Variants in DOCK4 observed in about 807,000 individuals in gnomAD.
The protein encoded by DOCK4 is dedicator of cytokinesis 4, also known as dedicator of cytokinesis protein 4.
DOCK4 carries 97 observed loss-of-function variants against 268.1 expected under a neutral mutation model. The observed-to-expected ratio is 0.36, with a 90% CI of 0.31 to 0.43. DOCK4 has a LOEUF of 0.43. DOCK4 is among the 20% of genes least tolerant of loss of function. DOCK4 has a pLI of 1.00. For synonymous variants in DOCK4, 954 were observed against 887.2 expected (o/e 1.08, Z -1.34); for missense variants, 2,145 against 2,455.7 (o/e 0.87, Z 2.67).
chr7:112,012,987 GA>G (rs1562991565), intron 1 of DOCK4, among the ~76,000 whole-genome samples: 2 of 151,976 alleles, frequency 1.3e-5, no homozygotes, highest in South Asian at 2.1e-4. Context: ...TGAAAGTCAC[GA>G]AAAAAAGTTA....
intron 30 of DOCK4, among the ~76,000 whole-genome samples, chr7:111,797,723 A>T (rs933113111): frequency 6.6e-6 from 1 of 152,218 alleles, no homozygotes; most frequent in Admixed American, 6.5e-5. Context: ...ATGGAAAATG[A>T]GGGCCAAACC....
chr7:111,809,171 T>C, intron 29 of DOCK4, 130 bp downstream of exon 29: 1 of 781,052 alleles, frequency 1.3e-6, no homozygotes, highest in Admixed American at 2.6e-5. Context: ...AAAAGACTGC[T>C]TCTTGACCCC....
At chr7:111,740,890 C>T (rs994666021) in intron 47 of DOCK4, among the ~76,000 whole-genome samples, 1 of 151,658 alleles carries the variant, frequency 6.6e-6, no homozygotes, top group South Asian at 2.1e-4. Flanking sequence ...TTGCTGATGT[C>T]GTCTTAAAGC....
chr7:112,122,541 G>T lies in DOCK4; in HGVS notation c.37+83561C>A, dbSNP rs140915268. On this transcript the variant is annotated intron_variant, in intron 1 of 52. Coordinates refer to ENST00000428084, the MANE Select transcript of DOCK4 (RefSeq NM_001363540.2). ...ACACCTTGGCCTCCTAAAGTCCTGG[G>T]ATTACAAGCGTTAGCCACCACGCCC... is the stretch of plus-strand genomic sequence containing the variant. Among the ~76,000 whole-genome samples, 528 of 152,204 alleles carry T rather than the reference G, an allele frequency of 3.5e-3. 1 individual carries two copies. The highest frequency in any genetic ancestry group is 5.3e-3 in the Non-Finnish European group (359 of 68,018).
At chr7:112,031,056 G>GA (rs1236958672) in intron 1 of DOCK4, among the ~76,000 whole-genome samples, 2 of 152,280 alleles carry the variant, frequency 1.3e-5, no homozygotes, top group East Asian at 3.9e-4. Flanking sequence ...AGGGCAGAGG[G>GA]AAAAACAGCA....
chr7:112,018,179 A>AAAAAAAAAAAAAC lies in DOCK4; in HGVS notation c.38-14049_38-14048insGTTTTTTTTTTTT. Among the ~76,000 whole-genome samples, 8 of 72,590 alleles carry AAAAAAAAAAAAAC rather than the reference A, an allele frequency of 1.1e-4. 2 individuals are homozygous for AAAAAAAAAAAAAC. The South Asian group carries it at 1.3e-3, about 12-fold the overall frequency. 47.6% of individuals were successfully genotyped at this position (72,590 alleles called of 152,430 possible). The stretch of plus-strand genomic sequence containing the variant: ...AAAAAAAAAAAAAAAAAAAAAAAAA[A>AAAAAAAAAAAAAC]ACACAGGCAACCAGTATTCATGTGG... On this transcript the variant is annotated intron_variant, in intron 1 of 52. Transcript: ENST00000428084.
chr7:112,006,152 A>G (rs1800844336), intron 1 of DOCK4, among the ~76,000 whole-genome samples: 1 of 152,172 alleles, frequency 6.6e-6, no homozygotes, highest in Non-Finnish European at 1.5e-5. Context: ...TTTGAACCCC[A>G]ATCTCATCAC....
chr7:111,918,147 G>A (rs1792774037), intron 12 of DOCK4, among the ~76,000 whole-genome samples: 1 of 152,190 alleles, frequency 6.6e-6, no homozygotes, highest in Admixed American at 6.5e-5. Context: ...CCTCTCCTGA[G>A]GTCCAAATCG....
intron 44 of DOCK4, among the ~76,000 whole-genome samples, chr7:111,743,013 AAAG>A (rs1190381273): frequency 1.3e-5 from 2 of 152,120 alleles, no homozygotes; most frequent in Admixed American, 6.5e-5. Flanking sequence ...AAAAAAGAAA[AAAG>A]AAAAAAATCC....
At chr7:112,021,244 G>C (rs1198233468) in intron 1 of DOCK4, among the ~76,000 whole-genome samples, 3 of 152,134 alleles carry the variant, frequency 2.0e-5, no homozygotes, top group Admixed American at 6.5e-5. Context: ...AATCTGTTTT[G>C]GTAGTTCAGA....
At chr7:111,747,564 CA>C (rs1223474964) in intron 42 of DOCK4, 121 bp from the exon 43 acceptor site, 4 of 944,042 alleles carry the variant, frequency 4.2e-6, no homozygotes, top group East Asian at 2.6e-5. Context: ...ATATCTCTAC[CA>C]GGGGCCATTC....
intron 1 of DOCK4, among the ~76,000 whole-genome samples, chr7:112,144,461 G>A (rs1815245095): frequency 6.6e-6 from 1 of 152,086 alleles, no homozygotes. Context: ...ATGGCTGAGT[G>A]AGGATCCAAA....
intron 26 of DOCK4, among the ~76,000 whole-genome samples, chr7:111,823,204 C>CTTTTTTTT (rs917904625): frequency 8.6e-6 from 1 of 116,280 alleles, no homozygotes; most frequent in African/African-American, 3.6e-5. Flanking sequence ...GGAAATATTA[C>CTTTTTTTT]TTTTTTTTTT....
intron 1 of DOCK4, among the ~76,000 whole-genome samples, chr7:112,080,423 A>G (rs576879775): frequency 6.6e-6 from 1 of 152,342 alleles, no homozygotes; most frequent in Admixed American, 6.5e-5. Context: ...TACATAAACA[A>G]AATTTTGAGC....
chr7:111,739,030 GC>G (rs1279765048), intron 49 of DOCK4, 103 bp downstream of exon 49: 4 of 902,020 alleles, frequency 4.4e-6, no homozygotes, highest in Non-Finnish European at 5.3e-6. Context: ...GTCTGACACT[GC>G]CCAGCTGCTT....
chr7:111,774,615 T>C (rs893362582), intron 36 of DOCK4, among the ~76,000 whole-genome samples: 2 of 151,960 alleles, frequency 1.3e-5, no homozygotes, highest in African/African-American at 4.8e-5. Context: ...GATGGCTGCA[T>C]GGAAAAGAGG....
chr7:112,100,043 T>C (rs971878106), intron 1 of DOCK4, among the ~76,000 whole-genome samples: 1 of 152,190 alleles, frequency 6.6e-6, no homozygotes, highest in Non-Finnish European at 1.5e-5. Flanking sequence ...TTAGACCCCA[T>C]GAAATATTTT....
intron 16 of DOCK4, among the ~76,000 whole-genome samples, chr7:111,887,767 T>TAAA (rs34109488): frequency 0.33 from 48,960 of 147,506 alleles, 10,881 homozygotes; most frequent in African/African-American, 0.64. Flanking sequence ...AAAAAATTAT[T>TAAA]AAAAAAAAAA....
chr7:112,041,834 A>C (rs905202320), intron 1 of DOCK4, among the ~76,000 whole-genome samples: 2 of 152,232 alleles, frequency 1.3e-5, no homozygotes, highest in African/African-American at 4.8e-5. Context: ...GGCAAAGAGA[A>C]GATATTTGCT....
Sources: allele counts gnomAD v4.1 joint callset (sites outside exome capture counted in the v4.1 genomes callset), GRCh38; gene constraint gnomAD v4.1.1; transcripts MANE v1.5; gene names NCBI Gene and HGNC (gene_info 2026-07-23, HGNC 2026-07-21).